C12orf42: variants seen among roughly 807,000 people sequenced by gnomAD.
The protein encoded by C12orf42 is uncharacterized protein C12orf42.
Under a neutral mutation model 21.6 loss-of-function variants are expected in C12orf42, and 25 were observed. The ratio of observed to expected loss-of-function variants is 1.16; its 90% confidence interval spans 0.84 to 1.62. The LOEUF is 1.62. Among genes scored for constraint, C12orf42 ranks in the 40% most tolerant of loss-of-function variants. The probability of loss-of-function intolerance (pLI) is 0.00; values close to 1 mark genes in which losing one functional copy is unlikely to be tolerated. For synonymous variants in C12orf42, 174 were observed against 175.0 expected, an observed-to-expected ratio of 0.99 and a Z score of 0.05; for missense variants, 483 against 459.3, an observed-to-expected ratio of 1.05 and a Z score of -0.47.
chr12:103,081,887 A>G, the C12orf42 span, among the ~76,000 whole-genome samples: 1 of 152,204 alleles, frequency 6.6e-6, no homozygotes, highest in East Asian at 1.9e-4. Flanking sequence ...TAATTTTATA[A>G]CGTGGATATG....
the C12orf42 span, among the ~76,000 whole-genome samples, chr12:103,169,470 A>T: frequency 6.6e-6 from 1 of 152,136 alleles, no homozygotes; most frequent in African/African-American, 2.4e-5. Flanking sequence ...TTATTATAAC[A>T]TGCTTTTTAC....
At chr12:103,402,255 G>A (rs1444425374) in intron 2 of C12orf42, among the ~76,000 whole-genome samples, 1 of 152,186 alleles carries the variant, frequency 6.6e-6, no homozygotes, top group Non-Finnish European at 1.5e-5. Context: ...AGGGAGGTCA[G>A]AAGAGGTAAC....
chr12:103,102,816 G>A, the C12orf42 span, among the ~76,000 whole-genome samples: 1 of 152,122 alleles, frequency 6.6e-6, no homozygotes, highest in Non-Finnish European at 1.5e-5. Flanking sequence ...CACGATGATA[G>A]TTGGACTATG....
chr12:103,093,239 T>C, the C12orf42 span, among the ~76,000 whole-genome samples: 1 of 152,166 alleles, frequency 6.6e-6, no homozygotes, highest in Non-Finnish European at 1.5e-5. Flanking sequence ...TCTGAGTTGG[T>C]TGTTGTTAAA....
In C12orf42 at chr12:103,489,086, A is replaced by T. The variant is rs1373643633; in HGVS notation, c.-22+6816T>A. Among the ~76,000 whole-genome samples the T allele has an allele frequency of 2.0e-5, 3 of 152,172 alleles. No individual in the cohort carries two copies. In the East Asian group the frequency reaches 5.8e-4, roughly 29 times the overall value. On this transcript the variant is annotated intron_variant, in intron 1 of 5. Transcript: ENST00000548883. ...GGTTTCTCCCCATCTTTGTGGTTTT[A>T]GCTACCTTTTGTCTTTGATGTTGGT... is the stretch of plus-strand genomic sequence containing the variant.
chr12:103,182,440 G>A, the C12orf42 span, among the ~76,000 whole-genome samples: 19,156 of 152,150 alleles, frequency 0.13, 1,646 homozygotes, highest in African/African-American at 0.24. Flanking sequence ...ATGGCAAAGA[G>A]GAGGAGCAGA....
intron 3 of C12orf42, among the ~76,000 whole-genome samples, chr12:103,371,607 G>A (rs1342246038): frequency 1.3e-5 from 2 of 152,168 alleles, no homozygotes; most frequent in South Asian, 2.1e-4. Flanking sequence ...GAGTACCACA[G>A]GAACAGCAGC....
At chr12:103,265,673 T>C (rs1288854245), downstream of C12orf42, among the ~76,000 whole-genome samples, 2 of 152,036 alleles carry the variant, frequency 1.3e-5, no homozygotes, top group African/African-American at 4.8e-5. Context: ...TCCAAGGACT[T>C]CTAGAAACAG....
chr12:103,512,462 G>A, the C12orf42 span, among the ~76,000 whole-genome samples: 1 of 152,134 alleles, frequency 6.6e-6, no homozygotes, highest in Non-Finnish European at 1.5e-5. Flanking sequence ...CTAGAAGAGA[G>A]GATTGAAATG....
intron 2 of C12orf42, among the ~76,000 whole-genome samples, chr12:103,426,076 G>T (rs1949783843): frequency 6.6e-6 from 1 of 152,206 alleles, no homozygotes. Context: ...ACAACTCCTT[G>T]TCAGCAAGGG....
chr12:103,378,125 C>G (rs1188886713), intron 3 of C12orf42, among the ~76,000 whole-genome samples: 1 of 152,168 alleles, frequency 6.6e-6, no homozygotes, highest in Non-Finnish European at 1.5e-5. Flanking sequence ...ACACAACCAC[C>G]AAAAGGACTC....
At position 103,302,601 on chromosome 12, in the gene C12orf42, A is replaced by G. The variant is rs2037819284; in HGVS notation, c.632-42T>C. Reference sequence around the variant, plus strand: ...GAAAGCAGGACAGAGATGAGGCTCAAGCGTGCGGGACCACACCGCACCCCC... The same window carrying G: ...GAAAGCAGGACAGAGATGAGGCTCAGGCGTGCGGGACCACACCGCACCCCC... On this transcript the variant is annotated intron_variant, in intron 5 of 5. Transcript: ENST00000548883. 5 of 1,540,646 alleles carry G rather than the reference A, an allele frequency of 3.2e-6. No individual in the cohort carries two copies. In the African/African-American group the frequency reaches 5.5e-5, roughly 17 times the overall value.
intron 2 of C12orf42, among the ~76,000 whole-genome samples, chr12:103,461,327 C>G (rs1952682780): frequency 6.6e-6 from 1 of 152,074 alleles, no homozygotes; most frequent in Non-Finnish European, 1.5e-5. Flanking sequence ...TTTATAATCC[C>G]CTAACAACAT....
chr12:103,123,755 T>A, the C12orf42 span, among the ~76,000 whole-genome samples: 3 of 151,750 alleles, frequency 2.0e-5, no homozygotes, highest in South Asian at 6.2e-4. Context: ...GGTGATAATG[T>A]ATTGCATATA....
intron 2 of C12orf42, among the ~76,000 whole-genome samples, chr12:103,457,940 C>T (rs1368986868): frequency 6.6e-6 from 1 of 152,104 alleles, no homozygotes; most frequent in Non-Finnish European, 1.5e-5. Flanking sequence ...TAATGGTCAT[C>T]GTAACTGAGA....
chr12:103,451,375 C>CA (rs11380183), intron 2 of C12orf42, among the ~76,000 whole-genome samples: 125,572 of 151,814 alleles, frequency 0.83, 52,016 homozygotes, highest in Admixed American at 0.88. Context: ...CACAAGTGTG[C>CA]CCACCTATTT....
chr12:103,355,867 C>A (rs530044250), intron 4 of C12orf42, among the ~76,000 whole-genome samples: 1 of 152,054 alleles, frequency 6.6e-6, no homozygotes, highest in Non-Finnish European at 1.5e-5. Context: ...CTCATGAAAT[C>A]CTTTGAATGC....
At chr12:103,108,025 A>C in the C12orf42 span, among the ~76,000 whole-genome samples, 1 of 151,562 alleles carries the variant, frequency 6.6e-6, no homozygotes, top group African/African-American at 2.4e-5. Context: ...TAATTGATTA[A>C]AGAAAAAATA....
the C12orf42 span, among the ~76,000 whole-genome samples, chr12:103,204,638 C>T: frequency 6.6e-6 from 1 of 152,126 alleles, no homozygotes; most frequent in Non-Finnish European, 1.5e-5. Flanking sequence ...GGAAAAATAG[C>T]ACAAGATATC....
Sources: gnomAD v4.1 joint callset for allele counts (sites outside exome capture counted in the v4.1 genomes callset) on GRCh38, gnomAD v4.1.1 for gene constraint, MANE v1.5 for transcripts, NCBI Gene and HGNC (gene_info 2026-07-23, HGNC 2026-07-21) for gene names.